PPP3CA: variants seen among roughly 807,000 people sequenced by gnomAD.
PPP3CA encodes the protein CAM-PRP catalytic subunit.
A neutral mutation model predicts 66.5 loss-of-function variants in PPP3CA; 14 were observed. The ratio of observed to expected loss-of-function variants is 0.21; its 90% CI spans 0.14 to 0.33. The LOEUF (loss-of-function observed/expected upper bound fraction) is 0.33. Among genes scored for constraint, PPP3CA ranks in the 10% least tolerant of loss-of-function variants. The pLI is 1.00. For synonymous variants in PPP3CA, 232 were observed against 226.2 expected (o/e 1.03, Z -0.23); for missense variants, 317 against 639.5 (o/e 0.50, Z 5.44).
chr4:101,230,355 T>TA (rs143221508), intron 1 of PPP3CA, among the ~76,000 whole-genome samples: 15,900 of 150,598 alleles, frequency 0.11, 1,246 homozygotes, highest in East Asian at 0.31. Context: ...ATCTTTAAAA[T>TA]AAAAAAAAAT....
In PPP3CA at chr4:101,032,373, C is replaced by T; in HGVS notation, c.1242-9G>A. 1 of 1,606,396 alleles carries T rather than the reference C, an allele frequency of 6.2e-7. No homozygotes were observed. The highest frequency in any genetic ancestry group is 8.5e-7 in the Non-Finnish European group (1 of 1,174,164). On this transcript the variant is annotated splice_polypyrimidine_tract_variant and intron_variant, in intron 11 of 13. Coordinates refer to ENST00000394854, the MANE Select transcript of PPP3CA (RefSeq NM_000944.5). ...CACTCTCACTCTCTTCTCTGGAAGG[C>T]ACAATGAGGGGCGACATTAACTTTT... is the stretch of plus-strand genomic sequence containing the variant.
intron 4 of PPP3CA, among the ~76,000 whole-genome samples, chr4:101,098,957 T>C (rs752927098): frequency 1.3e-5 from 2 of 152,122 alleles, no homozygotes; most frequent in Non-Finnish European, 2.9e-5. Context: ...ATGACTTATA[T>C]CTAATGTTTT....
At chr4:101,211,393 G>C (rs1288693310) in intron 1 of PPP3CA, among the ~76,000 whole-genome samples, 1 of 152,110 alleles carries the variant, frequency 6.6e-6, no homozygotes, top group Non-Finnish European at 1.5e-5. Context: ...CATTTGTCTA[G>C]TGATTTACTG....
intron 2 of PPP3CA, among the ~76,000 whole-genome samples, chr4:101,184,421 G>A (rs1724342037): frequency 6.6e-6 from 1 of 152,152 alleles, no homozygotes; most frequent in African/African-American, 2.4e-5. Context: ...CTAGCCACAA[G>A]TGGCAATTGA....
chr4:101,077,334 T>G (rs993290238), intron 8 of PPP3CA, among the ~76,000 whole-genome samples: 1 of 152,224 alleles, frequency 6.6e-6, no homozygotes, highest in East Asian at 1.9e-4. Flanking sequence ...CAAATCATAC[T>G]GTAACTAACA....
intron 1 of PPP3CA, among the ~76,000 whole-genome samples, chr4:101,324,838 T>C (rs1208457952): frequency 1.3e-5 from 2 of 152,234 alleles, no homozygotes; most frequent in Non-Finnish European, 2.9e-5. Flanking sequence ...AGACTAAGTA[T>C]AAGCCCGGAA....
chr4:101,045,555 T>A (rs1270350540), intron 10 of PPP3CA, among the ~76,000 whole-genome samples: 1 of 152,206 alleles, frequency 6.6e-6, no homozygotes, highest in Non-Finnish European at 1.5e-5. Flanking sequence ...AAGAATGACA[T>A]TCTCCATAGA....
chr4:101,302,121 T>C (rs938550696), intron 1 of PPP3CA, among the ~76,000 whole-genome samples: 6 of 152,130 alleles, frequency 3.9e-5, no homozygotes, highest in Admixed American at 3.3e-4. Context: ...AAAAACAAAA[T>C]GTATAAATGC....
chr4:101,268,125 T>C (rs932433754), intron 1 of PPP3CA, among the ~76,000 whole-genome samples: 1 of 152,022 alleles, frequency 6.6e-6, no homozygotes, highest in African/African-American at 2.4e-5. Flanking sequence ...TGAGCTATGA[T>C]TGTGCCACTG....
At chr4:101,134,015 A>G (rs1357204344) in intron 2 of PPP3CA, among the ~76,000 whole-genome samples, 1 of 152,206 alleles carries the variant, frequency 6.6e-6, no homozygotes, top group Non-Finnish European at 1.5e-5. Context: ...CTATTTAAAT[A>G]ATGGTGTTGG....
chr4:101,080,647 C>A lies in PPP3CA; in HGVS notation c.861-21G>T, dbSNP rs374384722. The A allele has an allele frequency of 3.7e-6, 5 of 1,346,916 alleles. No individual in the cohort carries two copies. In the South Asian group the frequency reaches 7.0e-5, roughly 19 times the overall value. 83.4% of individuals were successfully genotyped at this position (1,346,916 alleles called of 1,614,324 possible). Reference sequence around the variant, plus strand: ...GGTACCTAAAAAGAACAAATACAGTCAAAACAAAGCTTGTATGGAAAAAAG... The same window carrying A: ...GGTACCTAAAAAGAACAAATACAGTAAAAACAAAGCTTGTATGGAAAAAAG... On this transcript the variant is annotated intron_variant, in intron 7 of 13. Coordinates refer to ENST00000394854, the MANE Select transcript of PPP3CA (RefSeq NM_000944.5).
intron 1 of PPP3CA, among the ~76,000 whole-genome samples, chr4:101,246,051 C>G (rs1441521671): frequency 2.6e-5 from 4 of 152,084 alleles, no homozygotes; most frequent in South Asian, 4.1e-4. Flanking sequence ...ACAAGTTATA[C>G]GTCAACCATG....
intron 1 of PPP3CA, among the ~76,000 whole-genome samples, chr4:101,346,415 A>G (rs1729996021): frequency 6.6e-6 from 1 of 150,534 alleles, no homozygotes; most frequent in East Asian, 2.0e-4. Context: ...CAGCAGCTAC[A>G]CCCTACCAGC....
chr4:101,078,872 G>C (rs896343466), intron 8 of PPP3CA, among the ~76,000 whole-genome samples: 2 of 152,314 alleles, frequency 1.3e-5, no homozygotes, highest in Non-Finnish European at 2.9e-5. Flanking sequence ...GTGGCAAGCA[G>C]AGAACATGTT....
chr4:101,085,964 T>G (rs541630957), intron 6 of PPP3CA, among the ~76,000 whole-genome samples: 3 of 152,146 alleles, frequency 2.0e-5, no homozygotes, highest in African/African-American at 4.8e-5. Context: ...CCCCAGTAAT[T>G]TAGCAGAGGC....
chr4:101,171,917 G>C lies in PPP3CA; in HGVS notation c.259+23999C>G, dbSNP rs538091917. Among the ~76,000 whole-genome samples the C allele has an allele frequency of 1.1e-4, 16 of 152,234 alleles. No individual in the cohort carries two copies. In the South Asian group the frequency reaches 3.3e-3, roughly 32 times the overall value. On this transcript the variant is annotated intron_variant, in intron 2 of 13. Transcript: ENST00000394854. ...ATGTCACTGCCATATATAGCACAATGCCTAATGCATGACAGCATTCAATAA... is the reference window on the plus strand; with the variant it reads ...ATGTCACTGCCATATATAGCACAATCCCTAATGCATGACAGCATTCAATAA...
intron 1 of PPP3CA, among the ~76,000 whole-genome samples, chr4:101,201,046 A>G (rs964763405): frequency 1.1e-4 from 16 of 152,236 alleles, no homozygotes; most frequent in Admixed American, 7.2e-4. Flanking sequence ...AAAGTTAAAT[A>G]TAACATTCAT....
chr4:101,124,801 GAAAAC>G (rs1722194934), intron 2 of PPP3CA, among the ~76,000 whole-genome samples: 1 of 129,860 alleles, frequency 7.7e-6, no homozygotes, highest in Non-Finnish European at 1.7e-5. Flanking sequence ...GAAAGAAAGA[GAAAAC>G]TGTATTGGTG....
chr4:101,138,503 T>C (rs1261974130), intron 2 of PPP3CA, among the ~76,000 whole-genome samples: 3 of 152,212 alleles, frequency 2.0e-5, no homozygotes, highest in African/African-American at 7.2e-5. Flanking sequence ...AGAAGTGTTT[T>C]GTATTTTGGA....
Sources: allele counts gnomAD v4.1 joint callset (sites outside exome capture counted in the v4.1 genomes callset), GRCh38; gene constraint gnomAD v4.1.1; transcripts MANE v1.5; gene names NCBI Gene and HGNC (gene_info 2026-07-23, HGNC 2026-07-21).